The following RALGAPA2 variants were observed in gnomAD, a reference collection of about 807,000 sequenced individuals.
RALGAPA2 encodes Ral GTPase activating protein catalytic subunit alpha 2, also known as ral GTPase-activating protein subunit alpha-2.
In RALGAPA2, 139 loss-of-function variants were observed where a neutral mutation model predicts 230.4. The observed-to-expected ratio is 0.60, with a 90% confidence interval of 0.53 to 0.69. RALGAPA2 has a LOEUF of 0.69. Among genes scored for constraint, RALGAPA2 ranks in the 30% least tolerant of loss-of-function variants. The probability of loss-of-function intolerance (pLI) is 0.00; values close to 1 mark genes in which losing one functional copy is unlikely to be tolerated. For missense variants in RALGAPA2, 2,163 were observed against 2,276.0 expected (o/e 0.95, Z 1.01); for synonymous variants, 847 against 837.8 (o/e 1.01, Z -0.19).
chr20:20,484,195 G>A (rs532742230), intron 36 of RALGAPA2, among the ~76,000 whole-genome samples: 95 of 152,278 alleles, frequency 6.2e-4, no homozygotes, highest in African/African-American at 2.0e-3. Flanking sequence ...TAATTTTCCC[G>A]TTGGGAAAAA....
At chr20:20,670,949 CAAAAAAAA>C (rs576675004) in intron 3 of RALGAPA2, among the ~76,000 whole-genome samples, 1 of 55,890 alleles carries the variant, frequency 1.8e-5, no homozygotes, top group Non-Finnish European at 3.8e-5. Flanking sequence ...GACTCCGTCT[CAAAAAAAA>C]AAAAAAAAAA....
chr20:20,528,286 C>T (rs906578652), intron 27 of RALGAPA2, among the ~76,000 whole-genome samples: 3 of 152,160 alleles, frequency 2.0e-5, no homozygotes, highest in African/African-American at 4.8e-5. Context: ...CCATGCTGAG[C>T]GCTCCAGCCT....
At chr20:20,544,094 T>C (rs1052379300) in intron 24 of RALGAPA2, among the ~76,000 whole-genome samples, 1 of 151,870 alleles carries the variant, frequency 6.6e-6, no homozygotes, top group African/African-American at 2.4e-5. Context: ...CACAATGAGA[T>C]ACCACCTCAC....
In RALGAPA2 at chr20:20,517,762, TATAATA is replaced by T. The variant is rs2062915885; in HGVS notation, c.4084+3149_4084+3154del. Among the ~76,000 whole-genome samples the T allele has an allele frequency of 2.0e-5, 3 of 149,682 alleles. No homozygotes were observed. In the South Asian group the frequency reaches 6.3e-4, roughly 32 times the overall value. On this transcript the variant is annotated intron_variant, in intron 31 of 39. Coordinates refer to ENST00000202677, the MANE Select transcript of RALGAPA2 (RefSeq NM_020343.4). Reference sequence around the variant, plus strand: ...TAAAAGCAGCAAAATCAAATTAGGCTATAATAAACTATAAACATTAAAGCCACATCT... The same window carrying T: ...TAAAAGCAGCAAAATCAAATTAGGCTAACTATAAACATTAAAGCCACATCT...
rs2066832527 is a variant in RALGAPA2 at position 20,635,610 on chromosome 20, G to C, written c.813C>G (p.Pro271=). 3 of 1,538,718 alleles carry C rather than the reference G, an allele frequency of 1.9e-6. No homozygotes were observed. The highest frequency in any genetic ancestry group is 2.6e-6 in the Non-Finnish European group (3 of 1,147,076). ...TNIYKPVLDI[P]HLRPKPVYIT... is the part of the protein sequence containing the mutation. The stretch of plus-strand genomic sequence containing the variant: ...TGTACACAGGCTTTGGTCTCAAATG[G>C]GGGATGTCTGGTAGAAGAAAGAACA... Residue 271 remains proline, a synonymous_variant, in exon 9 of 40, where the codon CCC becomes CCG. Transcript: ENST00000202677.
chr20:20,542,333 C>T (rs1045317065), intron 24 of RALGAPA2, among the ~76,000 whole-genome samples: 2 of 152,124 alleles, frequency 1.3e-5, no homozygotes, highest in African/African-American at 4.8e-5. Flanking sequence ...GGCCATACTG[C>T]CCAAAGTAAT....
rs750494565 is a variant in RALGAPA2, at chr20:20,524,365, A to T, written c.3900+41T>A. ...ATATTTTGGTGGTTCTCTGTCATAT[A>T]AACCCACACTCCATTCCCCCAGGCC... On this transcript the variant is annotated intron_variant, in intron 30 of 39. Coordinates refer to ENST00000202677, the MANE Select transcript of RALGAPA2 (RefSeq NM_020343.4). 1.4e-5 allele frequency: 22 copies of T among 1,611,388 alleles called. No homozygotes were observed. In the African/African-American group the frequency reaches 2.0e-4, roughly 15 times the overall value.
intron 27 of RALGAPA2, 61 bp downstream of exon 27, chr20:20,531,626 C>CA (rs2063369099): frequency 7.4e-7 from 1 of 1,343,560 alleles, no homozygotes; most frequent in South Asian, 1.2e-5. Context: ...AATTCAAACT[C>CA]AAACTGTTAA....
chr20:20,495,331 G>T, intron 35 of RALGAPA2, 56 bp from the exon 36 acceptor site: 2 of 1,341,586 alleles, frequency 1.5e-6, no homozygotes, highest in Non-Finnish European at 2.0e-6. Context: ...GTTTATGAGG[G>T]GTCATGGCTT....
intron 4 of RALGAPA2, among the ~76,000 whole-genome samples, chr20:20,646,507 G>A (rs2067221269): frequency 6.6e-6 from 1 of 152,014 alleles, no homozygotes; most frequent in South Asian, 2.1e-4. Flanking sequence ...CTTGACCATG[G>A]GAATAACTGA....
At chr20:20,672,429 T>C (rs1418437219) in intron 3 of RALGAPA2, among the ~76,000 whole-genome samples, 3 of 152,068 alleles carry the variant, frequency 2.0e-5, no homozygotes, top group Admixed American at 6.6e-5. Flanking sequence ...ATAAAAGATG[T>C]CTAAAAATGA....
chr20:20,588,850 A>G (rs940482395), intron 18 of RALGAPA2, among the ~76,000 whole-genome samples: 3 of 151,890 alleles, frequency 2.0e-5, no homozygotes, highest in South Asian at 2.1e-4. Context: ...ATTTAAATAA[A>G]TGCCATTTTA....
chr20:20,545,936 T>G (rs904121576), intron 24 of RALGAPA2, among the ~76,000 whole-genome samples: 1 of 152,166 alleles, frequency 6.6e-6, no homozygotes, highest in Non-Finnish European at 1.5e-5. Context: ...CATAATGGCG[T>G]GTACCTGCAG....
Position 20,700,783 on chromosome 20 carries a change from G to A in RALGAPA2, c.106+11592C>T, listed in dbSNP as rs527258930. Among the ~76,000 whole-genome samples the A allele has an allele frequency of 2.6e-4, 40 of 152,296 alleles. No individual in the cohort carries two copies. In the South Asian group the frequency reaches 8.1e-3, roughly 31 times the overall value. On this transcript the variant is annotated intron_variant, in intron 1 of 39. Coordinates refer to ENST00000202677, the MANE Select transcript of RALGAPA2 (RefSeq NM_020343.4). Reference sequence around the variant, plus strand: ...GGGATTGGTCTGATAATGAATGTGTGTAAGCAAAGGAGATTAGAGAATTCA... The same window carrying A: ...GGGATTGGTCTGATAATGAATGTGTATAAGCAAAGGAGATTAGAGAATTCA...
Position 20,592,444 on chromosome 20 carries a change from C to T in RALGAPA2, c.2204-1130G>A, listed in dbSNP as rs554994872. Among the ~76,000 whole-genome samples, 8 of 152,282 alleles carry T rather than the reference C, an allele frequency of 5.3e-5. No homozygotes were observed. The South Asian group carries it at 1.2e-3, about 24-fold the overall frequency. ...CTAAACTCACACCTGCTCCCTCATC[C>T]CTCCTTACCATGCTGCCCTGGGAAT... On this transcript the variant is annotated intron_variant, in intron 16 of 39. Transcript: ENST00000202677.
rs2066294942 is a variant in RALGAPA2 at position 20,620,771 on chromosome 20, C to T, written c.1234-141G>A. On this transcript the variant is annotated intron_variant, in intron 10 of 39. Coordinates refer to ENST00000202677, the MANE Select transcript of RALGAPA2 (RefSeq NM_020343.4). The stretch of plus-strand genomic sequence containing the variant: ...CTTATAAATATACTACACAGGGCCA[C>T]AAATCTTTGTGCACACCAAACTTAC... 1.6e-5 allele frequency: 10 copies of T among 640,440 alleles called. No individual in the cohort carries two copies. In the East Asian group the frequency reaches 3.0e-4, roughly 19 times the overall value. The allele number at this position is 640,440 out of a possible 1,614,324, so 39.7% of individuals were successfully genotyped here.
chr20:20,616,327 G>T, intron 12 of RALGAPA2, 136 bp from the exon 13 acceptor site: 1 of 810,448 alleles, frequency 1.2e-6, no homozygotes, highest in Non-Finnish European at 1.8e-6. Flanking sequence ...TTTCAATAAG[G>T]CAAGTGGTAC....
chr20:20,687,470 C>G (rs2068747860), intron 1 of RALGAPA2, among the ~76,000 whole-genome samples: 1 of 151,706 alleles, frequency 6.6e-6, no homozygotes, highest in Non-Finnish European at 1.5e-5. Flanking sequence ...TTGCTTTGGC[C>G]AAAAAGGCCT....
intron 37 of RALGAPA2, among the ~76,000 whole-genome samples, chr20:20,448,711 G>A (rs1305248428): frequency 6.6e-6 from 1 of 151,902 alleles, no homozygotes; most frequent in Non-Finnish European, 1.5e-5. Context: ...ATTTCAGAAG[G>A]AAAAACCTCA....
Sources: allele counts gnomAD v4.1 joint callset (sites outside exome capture counted in the v4.1 genomes callset), GRCh38; gene constraint gnomAD v4.1.1; transcripts MANE v1.5; gene names NCBI Gene and HGNC (gene_info 2026-07-23, HGNC 2026-07-21).